Variants in PRKCQ observed in about 807,000 individuals in gnomAD.
The protein encoded by PRKCQ is protein kinase C theta type.
A neutral mutation model predicts 91.2 loss-of-function variants in PRKCQ; 41 were observed. The observed-to-expected ratio is 0.45, with a 90% CI of 0.35 to 0.58. PRKCQ has a LOEUF of 0.58. Ranked by LOEUF, PRKCQ falls within the 20% of genes least tolerant of loss-of-function variation. The pLI is 0.00. For synonymous variants in PRKCQ, 307 were observed against 316.9 expected, an observed-to-expected ratio of 0.97 and a Z score of 0.33; for missense variants, 673 against 896.5, an observed-to-expected ratio of 0.75 and a Z score of 3.18.
intron 1 of PRKCQ, among the ~76,000 whole-genome samples, chr10:6,574,283 G>T (rs1039153869): frequency 6.6e-6 from 1 of 152,200 alleles, no homozygotes; most frequent in Non-Finnish European, 1.5e-5. Flanking sequence ...TCTCTGAAAC[G>T]CTGGAGAGAA....
chr10:6,530,961 G>C (rs557767163), intron 1 of PRKCQ, among the ~76,000 whole-genome samples: 2 of 152,256 alleles, frequency 1.3e-5, no homozygotes, highest in African/African-American at 4.8e-5. Flanking sequence ...GTATCCACTG[G>C]AGGCCTAATT....
the PRKCQ span, among the ~76,000 whole-genome samples, chr10:6,415,405 CATATATATATATATAT>C: frequency 0.039 from 4,128 of 104,648 alleles, 150 homozygotes; most frequent in Admixed American, 0.065. Context: ...CAAGAAAATA[CATATATATATATATAT>C]ATATATATAT....
At chr10:6,411,406 C>A in the PRKCQ span, among the ~76,000 whole-genome samples, 1 of 152,214 alleles carries the variant, frequency 6.6e-6, no homozygotes, top group African/African-American at 2.4e-5. Context: ...AGAAACATCA[C>A]TCTAGCCTCA....
chr10:6,428,133 G>T lies in PRKCQ; in HGVS notation c.*74C>A. The T allele has an allele frequency of 6.4e-7, 1 of 1,564,106 alleles. No individual in the cohort carries two copies. Among genetic ancestry groups the T allele is most frequent in the Non-Finnish European group, 8.7e-7 (1 of 1,144,884 alleles). On this transcript the variant is annotated 3_prime_UTR_variant, in exon 18 of 18. Transcript: ENST00000263125. ...TCTTTCTTTTTCCAAGTTGAAAAAG[G>T]AACCCAAGCAGTGTCTCTTGAACCA...
intron 1 of PRKCQ, among the ~76,000 whole-genome samples, chr10:6,524,482 C>T (rs12254365): frequency 0.027 from 4,153 of 152,258 alleles, 188 homozygotes; most frequent in African/African-American, 0.087. Flanking sequence ...CCGTCTTCAG[C>T]CGTATTCCAA....
chr10:6,431,091 G>C (rs1833397686), intron 16 of PRKCQ, among the ~76,000 whole-genome samples, 153 bp from the exon 17 acceptor site: 1 of 152,122 alleles, frequency 6.6e-6, no homozygotes, highest in Non-Finnish European at 1.5e-5. Context: ...ACCTGTCCTG[G>C]CACTCTCCCT....
At chr10:6,574,308 G>C (rs2130983181) in intron 1 of PRKCQ, among the ~76,000 whole-genome samples, 1 of 152,328 alleles carries the variant, frequency 6.6e-6, no homozygotes, top group Non-Finnish European at 1.5e-5. Flanking sequence ...AATGGCACTT[G>C]TATACATTGG....
the PRKCQ span, among the ~76,000 whole-genome samples, chr10:6,409,547 G>T: frequency 6.6e-6 from 1 of 151,986 alleles, no homozygotes; most frequent in African/African-American, 2.4e-5. Flanking sequence ...CGCCCGCCTC[G>T]GCCTCCCAAA....
rs116454082 is a variant in PRKCQ at position 6,471,471 on chromosome 10, G to A, written c.1354-7067C>T. Reference sequence around the variant, plus strand: ...AAAGGAGGGAGAGTAGGCTGGGCATGGTGGCTCATGCCTGTGATCCCAGCA... The same window carrying A: ...AAAGGAGGGAGAGTAGGCTGGGCATAGTGGCTCATGCCTGTGATCCCAGCA... On this transcript the variant is annotated intron_variant, in intron 12 of 17. Coordinates refer to ENST00000263125, the MANE Select transcript of PRKCQ (RefSeq NM_006257.5). Among the ~76,000 whole-genome samples the A allele has an allele frequency of 3.4e-3, 519 of 152,286 alleles. 5 individuals are homozygous for A. The highest frequency in any genetic ancestry group is 0.012 in the African/African-American group (494 of 41,568).
intron 1 of PRKCQ, among the ~76,000 whole-genome samples, chr10:6,532,069 A>G (rs935612965): frequency 6.6e-6 from 1 of 152,206 alleles, no homozygotes; most frequent in African/African-American, 2.4e-5. Context: ...GGATTTGCTC[A>G]TGCACAGAGT....
intron 1 of PRKCQ, among the ~76,000 whole-genome samples, chr10:6,527,588 C>A (rs1047604965): frequency 6.6e-6 from 1 of 152,292 alleles, no homozygotes; most frequent in Admixed American, 6.5e-5. Context: ...TCAGGCCCCC[C>A]AAACCAGTTA....
chr10:6,553,507 A>ATAAAT (rs1343887666), intron 1 of PRKCQ, among the ~76,000 whole-genome samples: 8 of 145,462 alleles, frequency 5.5e-5, no homozygotes, highest in Non-Finnish European at 1.0e-4. Context: ...AAAAAAAAAA[A>ATAAAT]AAAAAAAAAA....
intron 1 of PRKCQ, among the ~76,000 whole-genome samples, chr10:6,564,119 G>A (rs1460745248): frequency 2.0e-5 from 3 of 152,168 alleles, no homozygotes; most frequent in African/African-American, 7.2e-5. Flanking sequence ...CAGGGCACAG[G>A]CTGGGAAGAA....
chr10:6,403,913 C>T, the PRKCQ span, among the ~76,000 whole-genome samples: 2 of 152,076 alleles, frequency 1.3e-5, no homozygotes, highest in African/African-American at 4.8e-5. Context: ...TTTATTTCCT[C>T]CTAAGAACAG....
chr10:6,429,692 T>C (rs1266078823), intron 17 of PRKCQ, among the ~76,000 whole-genome samples: 4 of 152,342 alleles, frequency 2.6e-5, no homozygotes, highest in African/African-American at 4.8e-5. Context: ...GTGATATACA[T>C]AACTTAAAAT....
At chr10:6,410,790 C>G in the PRKCQ span, among the ~76,000 whole-genome samples, 3 of 152,242 alleles carry the variant, frequency 2.0e-5, no homozygotes, top group Admixed American at 2.0e-4. Flanking sequence ...CAAGACCAGC[C>G]TGGCCAACAT....
intron 15 of PRKCQ, among the ~76,000 whole-genome samples, chr10:6,443,634 C>T (rs961164548): frequency 2.0e-5 from 3 of 152,258 alleles, no homozygotes; most frequent in Non-Finnish European, 1.5e-5. Context: ...GAGTGGCAGT[C>T]GCCAGGGTCT....
At chr10:6,489,631 G>C (rs914399434) in intron 8 of PRKCQ, 1 of 378,984 alleles carries the variant, frequency 2.6e-6, no homozygotes, top group Admixed American at 3.3e-5. Context: ...CGGGGTGAGC[G>C]GAGCAGGCGG....
intron 15 of PRKCQ, among the ~76,000 whole-genome samples, chr10:6,447,183 C>A (rs568217408): frequency 6.6e-6 from 1 of 151,822 alleles, no homozygotes; most frequent in Non-Finnish European, 1.5e-5. Flanking sequence ...CCAAGGCGGG[C>A]GGATCATGAG....
Sources: allele counts gnomAD v4.1 joint callset (sites outside exome capture counted in the v4.1 genomes callset), GRCh38; gene constraint gnomAD v4.1.1; transcripts MANE v1.5; gene names NCBI Gene and HGNC (gene_info 2026-07-23, HGNC 2026-07-21).